Variants in DNER observed in about 807,000 individuals in gnomAD.
The protein encoded by DNER is delta and Notch-like epidermal growth factor-related receptor.
Under a neutral mutation model 78.2 loss-of-function variants are expected in DNER, and 33 were observed. The observed-to-expected ratio is 0.42, with a 90% CI of 0.32 to 0.56. The LOEUF (loss-of-function observed/expected upper bound fraction) is 0.56, where lower values mean the gene tolerates loss of function less well. Among genes scored for constraint, DNER ranks in the 20% least tolerant of loss-of-function variants. The pLI is 0.11. For missense variants in DNER, 918 were observed against 975.3 expected, an observed-to-expected ratio of 0.94 and a Z score of 0.78; for synonymous variants, 417 against 384.8, an observed-to-expected ratio of 1.08 and a Z score of -0.98.
chr2:229,519,747 C>G (rs554624931), intron 5 of DNER, among the ~76,000 whole-genome samples: 39 of 152,258 alleles, frequency 2.6e-4, no homozygotes, highest in Middle Eastern at 3.4e-3. Context: ...TCTGCTAGGT[C>G]AAAACTCTGG....
chr2:229,689,450 G>C (rs1057132443), intron 1 of DNER, among the ~76,000 whole-genome samples: 1 of 152,156 alleles, frequency 6.6e-6, no homozygotes, highest in Non-Finnish European at 1.5e-5. Flanking sequence ...TTAGCCAAGA[G>C]AAAAGAAGTG....
intron 6 of DNER, among the ~76,000 whole-genome samples, chr2:229,507,456 G>A (rs930128863): frequency 6.6e-6 from 1 of 152,200 alleles, no homozygotes; most frequent in African/African-American, 2.4e-5. Context: ...GATGGTAACA[G>A]TAAAATTCTT....
intron 6 of DNER, among the ~76,000 whole-genome samples, chr2:229,504,949 A>C (rs902944380): frequency 6.6e-6 from 1 of 152,210 alleles, no homozygotes; most frequent in African/African-American, 2.4e-5. Context: ...GGGATAGCAG[A>C]TGCTACTAGG....
intron 1 of DNER, among the ~76,000 whole-genome samples, chr2:229,693,196 T>A (rs563272663): frequency 6.6e-6 from 1 of 151,782 alleles, no homozygotes; most frequent in South Asian, 2.1e-4. Context: ...TATACGGGAC[T>A]TTTCCCCCTT....
At chr2:229,713,064 A>T (rs1258182087) in intron 1 of DNER, among the ~76,000 whole-genome samples, 1 of 152,222 alleles carries the variant, frequency 6.6e-6, no homozygotes, top group Non-Finnish European at 1.5e-5. Context: ...AATCATTGTT[A>T]TCAAATTTAT....
intron 1 of DNER, among the ~76,000 whole-genome samples, chr2:229,674,198 T>C (rs1335774890): frequency 6.6e-6 from 1 of 152,212 alleles, no homozygotes; most frequent in African/African-American, 2.4e-5. Flanking sequence ...TGTAAATAGT[T>C]CCTTTGTTTA....
At chr2:229,694,232 C>A (rs564786704) in intron 1 of DNER, among the ~76,000 whole-genome samples, 4 of 152,246 alleles carry the variant, frequency 2.6e-5, no homozygotes, top group South Asian at 4.1e-4. Flanking sequence ...TGCATGGAAA[C>A]GCCTGGATGT....
At chr2:229,482,416 A>C (rs541628812) in intron 6 of DNER, among the ~76,000 whole-genome samples, 7 of 152,288 alleles carry the variant, frequency 4.6e-5, no homozygotes, top group African/African-American at 1.7e-4. Context: ...GGCTTCCCAA[A>C]AGGTTTGGAA....
intron 8 of DNER, among the ~76,000 whole-genome samples, chr2:229,446,663 G>A (rs74451881): frequency 0.014 from 2,200 of 152,256 alleles, 111 homozygotes; most frequent in East Asian, 0.11. Context: ...TACACTAGTG[G>A]GTTGTGCACA....
chr2:229,368,072 T>G (rs976230495), intron 11 of DNER, among the ~76,000 whole-genome samples: 2 of 152,058 alleles, frequency 1.3e-5, no homozygotes, highest in African/African-American at 2.4e-5. Context: ...TAAAAAGAAA[T>G]AAAATATGGC....
chr2:229,457,417 C>T (rs934265202), intron 7 of DNER, among the ~76,000 whole-genome samples: 1 of 151,938 alleles, frequency 6.6e-6, no homozygotes, highest in East Asian at 1.9e-4. Context: ...TAGGTTCTTA[C>T]ATTTTGCATG....
At chr2:229,445,264 C>A (rs1438572324) in intron 8 of DNER, among the ~76,000 whole-genome samples, 2 of 152,164 alleles carry the variant, frequency 1.3e-5, no homozygotes, top group Non-Finnish European at 1.5e-5. Flanking sequence ...AGCATGTGAG[C>A]CCGAATCCAC....
chr2:229,506,679 C>T (rs62192049), intron 6 of DNER, among the ~76,000 whole-genome samples: 12,116 of 145,714 alleles, frequency 0.083, 565 homozygotes, highest in African/African-American at 0.097. Flanking sequence ...CTCCCCCTAC[C>T]CCACCACAGG....
chr2:229,435,209 C>A (rs1012368904), intron 8 of DNER, among the ~76,000 whole-genome samples: 1 of 152,128 alleles, frequency 6.6e-6, no homozygotes, highest in Non-Finnish European at 1.5e-5. Flanking sequence ...TGGGAAGAAG[C>A]CCCGACTGGT....
At chr2:229,366,812 A>G in intron 12 of DNER, 61 bp downstream of exon 12, 1 of 1,603,944 alleles carries the variant, frequency 6.2e-7, no homozygotes, top group Non-Finnish European at 8.5e-7. Flanking sequence ...GTATAATATG[A>G]CCCTGTTCCC....
At chr2:229,714,075 G>A in intron 1 of DNER, 73 bp downstream of exon 1, 1 of 1,222,772 alleles carries the variant, frequency 8.2e-7, no homozygotes, top group East Asian at 3.2e-5. Context: ...TCGGGCAGCA[G>A]CAGCAGGGCC....
At chr2:229,468,130 C>T (rs1415365911) in intron 7 of DNER, among the ~76,000 whole-genome samples, 1 of 152,242 alleles carries the variant, frequency 6.6e-6, no homozygotes, top group Non-Finnish European at 1.5e-5. Context: ...ACCAACTCCA[C>T]CTTGCTTCTA....
At chr2:229,469,183 T>A (rs1362878334) in intron 7 of DNER, among the ~76,000 whole-genome samples, 1 of 152,194 alleles carries the variant, frequency 6.6e-6, no homozygotes, top group Non-Finnish European at 1.5e-5. Flanking sequence ...ATGTTTAGCA[T>A]CCCTGTCCTC....
intron 1 of DNER, among the ~76,000 whole-genome samples, chr2:229,608,513 C>T (rs926807258): frequency 1.3e-5 from 2 of 152,034 alleles, no homozygotes; most frequent in Non-Finnish European, 2.9e-5. Context: ...TAAATTAAAC[C>T]GCATGAAAAT....
Sources: allele counts gnomAD v4.1 joint callset (sites outside exome capture counted in the v4.1 genomes callset), GRCh38; gene constraint gnomAD v4.1.1; transcripts MANE v1.5; gene names NCBI Gene and HGNC (gene_info 2026-07-23, HGNC 2026-07-21).